Variants in NKAIN3 observed in about 807,000 individuals in gnomAD.
NKAIN3 encodes sodium/potassium transporting ATPase interacting 3, also known as sodium/potassium-transporting ATPase subunit beta-1-interacting protein 3.
A neutral mutation model predicts 30.2 loss-of-function variants in NKAIN3; 25 were observed. The observed-to-expected ratio is 0.83, with a 90% CI of 0.60 to 1.16. The LOEUF is 1.16. Ranked by LOEUF, NKAIN3 falls within the 50% of genes most tolerant of loss-of-function variation. The pLI is 0.00. For missense variants in NKAIN3, 225 were observed against 254.1 expected (o/e 0.89, Z 0.78); for synonymous variants, 91 against 89.6 (o/e 1.02, Z -0.09).
chr8:62,423,441 T>A (rs989293270), intron 1 of NKAIN3, among the ~76,000 whole-genome samples: 4 of 149,386 alleles, frequency 2.7e-5, no homozygotes, highest in African/African-American at 7.3e-5. Flanking sequence ...ATATATATAT[T>A]ATTTATACAT....
intron 1 of NKAIN3, among the ~76,000 whole-genome samples, chr8:62,315,536 C>T (rs1814590590): frequency 6.6e-6 from 1 of 152,124 alleles, no homozygotes; most frequent in Non-Finnish European, 1.5e-5. Flanking sequence ...GGTAACCCAG[C>T]TTCAATACCT....
chr8:62,530,555 G>A (rs1230221581), intron 1 of NKAIN3, among the ~76,000 whole-genome samples: 2 of 151,970 alleles, frequency 1.3e-5, no homozygotes, highest in African/African-American at 4.8e-5. Context: ...GTAAGAACAG[G>A]TTGACAATAT....
At chr8:62,602,335 T>C (rs1811006132) in intron 3 of NKAIN3, among the ~76,000 whole-genome samples, 1 of 152,128 alleles carries the variant, frequency 6.6e-6, no homozygotes. Flanking sequence ...ATATGTTGTC[T>C]TTGCTCTTTG....
At chr8:62,675,054 G>A (rs114530469) in intron 3 of NKAIN3, among the ~76,000 whole-genome samples, 111 of 152,024 alleles carry the variant, frequency 7.3e-4, no homozygotes, top group African/African-American at 2.6e-3. Flanking sequence ...CTTTTGTCTG[G>A]GAGCATGGAA....
intron 4 of NKAIN3, among the ~76,000 whole-genome samples, chr8:62,909,953 G>A (rs1340177254): frequency 1.3e-5 from 2 of 151,960 alleles, no homozygotes; most frequent in Non-Finnish European, 2.9e-5. Flanking sequence ...CAATATTAAG[G>A]TCCATTAGTG....
At chr8:62,596,127 G>A (rs1302475949) in intron 3 of NKAIN3, among the ~76,000 whole-genome samples, 1 of 151,828 alleles carries the variant, frequency 6.6e-6, no homozygotes, top group African/African-American at 2.4e-5. Context: ...TTTGGTGAAG[G>A]GTTTTAAGTA....
intron 1 of NKAIN3, among the ~76,000 whole-genome samples, chr8:62,432,538 G>A (rs539031757): frequency 1.3e-5 from 2 of 152,140 alleles, no homozygotes; most frequent in South Asian, 2.1e-4. Context: ...CTGTACAATA[G>A]CATGATATTT....
In NKAIN3 at chr8:62,975,309, G is replaced by A. The variant is rs981111438; in HGVS notation, c.*9902G>A. Among the ~76,000 whole-genome samples the A allele has an allele frequency of 6.6e-6, 1 of 151,178 alleles. No individual in the cohort carries two copies. Among genetic ancestry groups the A allele is most frequent in the African/African-American group, 2.4e-5 (1 of 41,168 alleles). ...TGGTCCTGGGCTTTTTTTTTTAGTTGGTCAGCTATTAATTACTGCCTCAAT... is the reference window on the plus strand; with the variant it reads ...TGGTCCTGGGCTTTTTTTTTTAGTTAGTCAGCTATTAATTACTGCCTCAAT... On this transcript the variant is annotated 3_prime_UTR_variant, in exon 7 of 7. Coordinates refer to ENST00000623646, the MANE Select transcript of NKAIN3 (RefSeq NM_001304533.3).
intron 6 of NKAIN3, among the ~76,000 whole-genome samples, chr8:62,962,460 G>A (rs1473893565): frequency 2.6e-5 from 4 of 152,168 alleles, no homozygotes; most frequent in African/African-American, 9.7e-5. Flanking sequence ...ATTTTGATAG[G>A]TATGCTAATG....
intron 1 of NKAIN3, among the ~76,000 whole-genome samples, chr8:62,345,258 TACACAC>T (rs34666037): frequency 7.0e-6 from 1 of 142,720 alleles, no homozygotes; most frequent in Admixed American, 7.1e-5. Context: ...GGTATATATA[TACACAC>T]ACACACACAC....
At chr8:62,914,290 T>G (rs1273220893) in intron 4 of NKAIN3, among the ~76,000 whole-genome samples, 2 of 152,088 alleles carry the variant, frequency 1.3e-5, no homozygotes, top group Non-Finnish European at 2.9e-5. Context: ...GAGAGCTAAA[T>G]GATAAGAACT....
At chr8:62,682,795 C>A (rs1813683453) in intron 3 of NKAIN3, among the ~76,000 whole-genome samples, 1 of 152,052 alleles carries the variant, frequency 6.6e-6, no homozygotes, top group South Asian at 2.1e-4. Context: ...GACCTGGGAA[C>A]CACACCCCCA....
intron 5 of NKAIN3, among the ~76,000 whole-genome samples, chr8:62,934,728 A>G (rs990506428): frequency 2.0e-5 from 3 of 152,126 alleles, no homozygotes; most frequent in African/African-American, 7.2e-5. Flanking sequence ...GGAAAAAGCC[A>G]CTTTGAGCAC....
intron 1 of NKAIN3, among the ~76,000 whole-genome samples, chr8:62,518,755 G>A (rs923935105): frequency 6.6e-6 from 1 of 152,092 alleles, no homozygotes; most frequent in Non-Finnish European, 1.5e-5. Context: ...CCTTGAAATA[G>A]TTTGTCTGTG....
chr8:62,407,109 T>C (rs1361783419), intron 1 of NKAIN3, among the ~76,000 whole-genome samples: 1 of 152,080 alleles, frequency 6.6e-6, no homozygotes, highest in Admixed American at 6.6e-5. Flanking sequence ...TTAATTGACT[T>C]TCCAAATATT....
At position 62,981,511 on chromosome 8, in the gene NKAIN3, C is replaced by T. The variant is rs2130924842; in HGVS notation, c.*16104C>T. ...CACATCAGTTCCTAAAGCAAAATGC[C>T]TGACACAGACTAACAAAGCTCTTTC... On this transcript the variant is annotated 3_prime_UTR_variant, in exon 7 of 7. Coordinates refer to ENST00000623646, the MANE Select transcript of NKAIN3 (RefSeq NM_001304533.3). 2 of 152,210 alleles carry T rather than the reference C, an allele frequency of 1.3e-5. No homozygotes were observed. Among genetic ancestry groups the T allele is most frequent in the Middle Eastern group, 3.4e-3 (1 of 294 alleles). The allele number at this position is 152,210 out of a possible 1,614,324, so 9.4% of individuals were successfully genotyped here. A position where few individuals can be genotyped will look rare whatever the true frequency, so the allele number is the denominator to read the frequency against.
chr8:62,423,660 A>T (rs1363874276), intron 1 of NKAIN3, among the ~76,000 whole-genome samples: 1 of 151,872 alleles, frequency 6.6e-6, no homozygotes, highest in Non-Finnish European at 1.5e-5. Flanking sequence ...AAAAATTAAG[A>T]TTATTTTTCA....
At chr8:62,285,249 TA>T (rs1813343150) in intron 1 of NKAIN3, among the ~76,000 whole-genome samples, 1 of 152,202 alleles carries the variant, frequency 6.6e-6, no homozygotes. Flanking sequence ...TTGCCAGCTA[TA>T]AAATCTTGGC....
chr8:62,622,158 T>C (rs1811636758), intron 3 of NKAIN3, among the ~76,000 whole-genome samples: 1 of 152,048 alleles, frequency 6.6e-6, no homozygotes, highest in South Asian at 2.1e-4. Flanking sequence ...TATTCCATGG[T>C]AGATGTGCCA....
Sources: gnomAD v4.1 joint callset for allele counts (sites outside exome capture counted in the v4.1 genomes callset) on GRCh38, gnomAD v4.1.1 for gene constraint, MANE v1.5 for transcripts, NCBI Gene and HGNC (gene_info 2026-07-23, HGNC 2026-07-21) for gene names.